The following BAZ2B variants were observed in gnomAD, a reference collection of about 807,000 sequenced individuals.
BAZ2B encodes bromodomain adjacent to zinc finger domain protein 2B.
BAZ2B carries 91 observed loss-of-function variants against 246.0 expected under a neutral mutation model. That is an observed-to-expected ratio of 0.37 (90% CI 0.31 to 0.44). BAZ2B has a LOEUF of 0.44. Among genes scored for constraint, BAZ2B ranks in the 20% least tolerant of loss-of-function variants. The probability of loss-of-function intolerance (pLI) is 1.00; values close to 1 mark genes in which losing one functional copy is unlikely to be tolerated. For missense variants in BAZ2B, 2,332 were observed against 2,533.7 expected, an observed-to-expected ratio of 0.92 and a Z score of 1.71; for synonymous variants, 855 against 860.0, an observed-to-expected ratio of 0.99 and a Z score of 0.10.
chr2:159,405,698 T>C (rs1249765255), intron 14 of BAZ2B, among the ~76,000 whole-genome samples: 2 of 147,474 alleles, frequency 1.4e-5, no homozygotes, highest in African/African-American at 2.5e-5. Context: ...TTTTAATCTT[T>C]ATCAGAGAGG....
At chr2:159,571,348 T>C (rs1465477669) in intron 1 of BAZ2B, among the ~76,000 whole-genome samples, 1 of 152,178 alleles carries the variant, frequency 6.6e-6, no homozygotes, top group Non-Finnish European at 1.5e-5. Flanking sequence ...TGTGTAGATA[T>C]ATTTTCTTCC....
At chr2:159,603,286 A>C (rs895562964) in intron 1 of BAZ2B, among the ~76,000 whole-genome samples, 1 of 152,272 alleles carries the variant, frequency 6.6e-6, no homozygotes, top group Non-Finnish European at 1.5e-5. Flanking sequence ...CAAAAACTAC[A>C]TAACAGCTAC....
intron 2 of BAZ2B, among the ~76,000 whole-genome samples, chr2:159,542,618 G>C (rs13427230): frequency 0.031 from 4,665 of 152,096 alleles, 238 homozygotes; most frequent in African/African-American, 0.11. Flanking sequence ...GCCCAGGCAA[G>C]AGAGTAAGAT....
At chr2:159,571,009 A>G (rs1291616052) in intron 1 of BAZ2B, among the ~76,000 whole-genome samples, 2 of 152,228 alleles carry the variant, frequency 1.3e-5, no homozygotes, top group East Asian at 1.9e-4. Context: ...GCCTGCCACC[A>G]TGCCTGGCTA....
chr2:159,529,071 C>T (rs1051661347), intron 2 of BAZ2B, among the ~76,000 whole-genome samples: 4 of 151,660 alleles, frequency 2.6e-5, no homozygotes, highest in Admixed American at 6.6e-5. Flanking sequence ...ATGTAACAAA[C>T]CTGCACGTTG....
intron 2 of BAZ2B, among the ~76,000 whole-genome samples, chr2:159,522,579 A>G (rs2084248781): frequency 6.6e-6 from 1 of 152,206 alleles, no homozygotes; most frequent in Non-Finnish European, 1.5e-5. Context: ...TATCAACTAC[A>G]ATTCTGTTAG....
intron 1 of BAZ2B, among the ~76,000 whole-genome samples, chr2:159,603,507 G>T (rs937026469): frequency 6.6e-6 from 1 of 151,358 alleles, no homozygotes; most frequent in African/African-American, 2.4e-5. Flanking sequence ...GTTCTAGTTC[G>T]TGATTATCAG....
the BAZ2B span, among the ~76,000 whole-genome samples, chr2:159,706,082 AT>A: frequency 6.3e-3 from 241 of 38,304 alleles, 3 homozygotes; most frequent in Non-Finnish European, 6.5e-3. Flanking sequence ...GTAAACATAT[AT>A]AACACACACA....
chr2:159,316,927 TGAGGCG>T (rs1355316811), downstream of BAZ2B, among the ~76,000 whole-genome samples: 1 of 151,258 alleles, frequency 6.6e-6, no homozygotes, highest in East Asian at 2.0e-4. Context: ...CTTGAACCCG[TGAGGCG>T]GAGGTTGCAG....
chr2:159,405,182 T>C (rs2065709967), intron 14 of BAZ2B, 68 bp from the exon 15 acceptor site: 4 of 1,314,148 alleles, frequency 3.0e-6, no homozygotes, highest in Non-Finnish European at 3.3e-6. Context: ...ACAATAACTG[T>C]GTGAAAATGG....
intron 3 of BAZ2B, chr2:159,462,172 G>A (rs1439158198): frequency 1.9e-5 from 7 of 361,354 alleles, no homozygotes; most frequent in Admixed American, 1.8e-4. Context: ...AAAAAAAAAA[G>A]ACTTACACTT....
chr2:159,683,565 T>C, the BAZ2B span, among the ~76,000 whole-genome samples: 4 of 152,306 alleles, frequency 2.6e-5, no homozygotes, highest in South Asian at 2.1e-4. Flanking sequence ...AAAATTGCCA[T>C]AAACTTGGTT....
At chr2:159,687,972 C>T in the BAZ2B span, among the ~76,000 whole-genome samples, 1 of 152,168 alleles carries the variant, frequency 6.6e-6, no homozygotes, top group Non-Finnish European at 1.5e-5. Context: ...GTTGTGAGTA[C>T]AGGACAAATT....
At chr2:159,692,283 T>C in the BAZ2B span, among the ~76,000 whole-genome samples, 4,511 of 151,970 alleles carry the variant, frequency 0.03, 235 homozygotes, top group African/African-American at 0.1. Flanking sequence ...GCCTCCCGAG[T>C]AGCTGGGAGT....
chr2:159,404,996 G>C (rs2065676132), intron 15 of BAZ2B, 26 bp downstream of exon 15: 4 of 1,612,804 alleles, frequency 2.5e-6, no homozygotes, highest in Non-Finnish European at 3.4e-6. Context: ...GACTCTTCGA[G>C]TTTATGTTAC....
intron 24 of BAZ2B, 80 bp from the exon 25 acceptor site, chr2:159,382,882 T>C: frequency 6.6e-7 from 1 of 1,510,926 alleles, no homozygotes; most frequent in Non-Finnish European, 8.9e-7. Context: ...ATGAGTTGTA[T>C]GCAAAAATAC....
intron 1 of BAZ2B, among the ~76,000 whole-genome samples, chr2:159,578,476 C>T (rs979475602): frequency 1.3e-5 from 2 of 152,050 alleles, no homozygotes; most frequent in African/African-American, 4.8e-5. Context: ...TGTCCCTCAA[C>T]AAAGGAATGA....
chr2:159,557,356 C>T (rs746739903), intron 1 of BAZ2B, among the ~76,000 whole-genome samples: 1 of 151,744 alleles, frequency 6.6e-6, no homozygotes, highest in Non-Finnish European at 1.5e-5. Flanking sequence ...CAAAATTGTA[C>T]AATGGCTTTA....
intron 31 of BAZ2B, among the ~76,000 whole-genome samples, chr2:159,346,507 C>G (rs150865912): frequency 8.9e-4 from 135 of 152,134 alleles, no homozygotes; most frequent in African/African-American, 3.1e-3. Flanking sequence ...GAGTTTGAGA[C>G]CAGCCTGGCC....
Sources: gnomAD v4.1 joint callset for allele counts (sites outside exome capture counted in the v4.1 genomes callset) on GRCh38, gnomAD v4.1.1 for gene constraint, MANE v1.5 for transcripts, NCBI Gene and HGNC (gene_info 2026-07-23, HGNC 2026-07-21) for gene names.